Variants in ZRANB3 observed in about 807,000 individuals in gnomAD.
ZRANB3 encodes the protein zinc finger RANBP2-type containing 3, also known as DNA annealing helicase and endonuclease ZRANB3.
A neutral mutation model predicts 133.8 loss-of-function variants in ZRANB3; 125 were observed. The ratio of observed to expected loss-of-function variants is 0.93; its 90% CI spans 0.81 to 1.08. ZRANB3 has a LOEUF of 1.08. ZRANB3 is among the 50% of genes least tolerant of loss of function. ZRANB3 has a pLI of 0.00. For missense variants in ZRANB3, 1,229 were observed against 1,275.5 expected (o/e 0.96, Z 0.56); for synonymous variants, 387 against 432.7 (o/e 0.89, Z 1.31).
At chr2:135,248,775 G>A (rs138459772) in intron 12 of ZRANB3, among the ~76,000 whole-genome samples, 18 of 152,068 alleles carry the variant, frequency 1.2e-4, no homozygotes, top group African/African-American at 2.2e-4. Context: ...GCATGGTGGC[G>A]TGCACCTGTA....
chr2:135,254,444 C>CT (rs887697634), intron 12 of ZRANB3, among the ~76,000 whole-genome samples: 1 of 147,214 alleles, frequency 6.8e-6, no homozygotes, highest in Admixed American at 7.0e-5. Flanking sequence ...AGCATATAGT[C>CT]TTTTAAAAAA....
At chr2:135,202,571 T>C (rs992456323) in intron 20 of ZRANB3, 1 of 297,354 alleles carries the variant, frequency 3.4e-6, no homozygotes. Flanking sequence ...ATCAAGACAA[T>C]ATGTAAACTG....
At chr2:135,485,185 A>AAACATAACATAACATAACAT (rs1223723608) in intron 2 of ZRANB3, among the ~76,000 whole-genome samples, 4 of 121,648 alleles carry the variant, frequency 3.3e-5, no homozygotes, top group South Asian at 4.9e-4. Flanking sequence ...AAACAAAACA[A>AAACATAACATAACATAACAT]AACATAACAT....
chr2:135,407,775 G>A (rs1368879269), intron 2 of ZRANB3, among the ~76,000 whole-genome samples: 33 of 148,484 alleles, frequency 2.2e-4, no homozygotes, highest in African/African-American at 6.7e-4. Flanking sequence ...GCCATATGTA[G>A]AAAGCTGAAA....
At chr2:135,300,807 C>A (rs1313449722) in intron 8 of ZRANB3, among the ~76,000 whole-genome samples, 1 of 152,182 alleles carries the variant, frequency 6.6e-6, no homozygotes. Context: ...TAAGTGGATT[C>A]TCTGCCTATT....
At chr2:135,467,776 GTCTC>G (rs918588656) in intron 2 of ZRANB3, among the ~76,000 whole-genome samples, 11 of 152,094 alleles carry the variant, frequency 7.2e-5, no homozygotes, top group Admixed American at 2.0e-4. Flanking sequence ...CTTACTTTGT[GTCTC>G]TCTCTCATTA....
chr2:135,473,003 T>C (rs1222258236), intron 2 of ZRANB3, among the ~76,000 whole-genome samples: 1 of 152,206 alleles, frequency 6.6e-6, no homozygotes, highest in Non-Finnish European at 1.5e-5. Flanking sequence ...GACCATTCAA[T>C]ATTACTAGTA....
At chr2:135,204,298 G>A (rs1182802708) in intron 19 of ZRANB3, among the ~76,000 whole-genome samples, 3 of 151,984 alleles carry the variant, frequency 2.0e-5, no homozygotes, top group African/African-American at 4.8e-5. Flanking sequence ...TACAAATGGC[G>A]GTCTTGTGCA....
intron 3 of ZRANB3, among the ~76,000 whole-genome samples, chr2:135,384,829 T>C (rs1003344922): frequency 9.2e-5 from 14 of 152,194 alleles, no homozygotes; most frequent in African/African-American, 3.4e-4. Context: ...AATTGGGTAT[T>C]GATGGGATGT....
chr2:135,427,809 G>T (rs1481329721), intron 2 of ZRANB3, among the ~76,000 whole-genome samples: 1 of 152,072 alleles, frequency 6.6e-6, no homozygotes, highest in Non-Finnish European at 1.5e-5. Flanking sequence ...TATACTAAAA[G>T]GCTATAGTAA....
chr2:135,257,184 T>C (rs1679702813), intron 12 of ZRANB3, among the ~76,000 whole-genome samples: 1 of 152,246 alleles, frequency 6.6e-6, no homozygotes, highest in South Asian at 2.1e-4. Flanking sequence ...AGCCATTCTT[T>C]AGTTTCTTTA....
intron 17 of ZRANB3, 44 bp downstream of exon 17, chr2:135,217,421 T>A: frequency 6.6e-7 from 1 of 1,523,178 alleles, no homozygotes; most frequent in Non-Finnish European, 8.8e-7. Context: ...GAAAGAACCA[T>A]GAAAAGTAAT....
chr2:135,328,719 C>G (rs767308311), intron 6 of ZRANB3, among the ~76,000 whole-genome samples: 3 of 152,190 alleles, frequency 2.0e-5, no homozygotes, highest in Non-Finnish European at 2.9e-5. Context: ...TCTTCTCCAG[C>G]ATGTGTTGTT....
chr2:135,505,893 G>A (rs1693161028), intron 1 of ZRANB3, among the ~76,000 whole-genome samples: 1 of 152,194 alleles, frequency 6.6e-6, no homozygotes, highest in African/African-American at 2.4e-5. Flanking sequence ...AGCACAAATA[G>A]TGTAAGGAAT....
At chr2:135,361,517 T>C (rs768487272) in intron 3 of ZRANB3, among the ~76,000 whole-genome samples, 37 of 152,374 alleles carry the variant, frequency 2.4e-4, no homozygotes, top group Middle Eastern at 3.4e-3. Flanking sequence ...TATACTGTGA[T>C]TACTTTTATA....
At chr2:135,408,082 A>G (rs1488435156) in intron 2 of ZRANB3, among the ~76,000 whole-genome samples, 1 of 151,814 alleles carries the variant, frequency 6.6e-6, no homozygotes, top group East Asian at 1.9e-4. Flanking sequence ...CCATCTGACA[A>G]AGGGCTAATA....
At chr2:135,289,817 T>C (rs7602007) in intron 8 of ZRANB3, among the ~76,000 whole-genome samples, 29,012 of 152,050 alleles carry the variant, frequency 0.19, 3,695 homozygotes, top group African/African-American at 0.34. Context: ...GCAGGAGAAT[T>C]GCTTGAACCC....
chr2:135,283,702 T>A (rs113644897), intron 8 of ZRANB3, among the ~76,000 whole-genome samples: 40 of 151,942 alleles, frequency 2.6e-4, no homozygotes, highest in Admixed American at 1.0e-3. Flanking sequence ...AATAAGATAA[T>A]CAACTTTGTC....
At chr2:135,269,962 C>T (rs1680437124) in intron 10 of ZRANB3, among the ~76,000 whole-genome samples, 1 of 151,968 alleles carries the variant, frequency 6.6e-6, no homozygotes, top group Admixed American at 6.6e-5. Flanking sequence ...GCACCAAACT[C>T]CTATGAGTGA....
Sources: gnomAD v4.1 joint callset for allele counts (sites outside exome capture counted in the v4.1 genomes callset) on GRCh38, gnomAD v4.1.1 for gene constraint, MANE v1.5 for transcripts, NCBI Gene and HGNC (gene_info 2026-07-23, HGNC 2026-07-21) for gene names.